The following PAPSS1 variants were observed in gnomAD, a reference collection of about 807,000 sequenced individuals.
The protein encoded by PAPSS1 is 3'-phosphoadenosine 5'-phosphosulfate synthase 1, also known as bifunctional 3'-phosphoadenosine 5'-phosphosulfate synthase 1.
A neutral mutation model predicts 72.0 loss-of-function variants in PAPSS1; 50 were observed. That is an observed-to-expected ratio of 0.69 (90% CI 0.55 to 0.88). The LOEUF is 0.88. Among genes scored for constraint, PAPSS1 ranks in the 40% least tolerant of loss-of-function variants. The probability of loss-of-function intolerance (pLI) is 0.00; values close to 1 mark genes in which losing one functional copy is unlikely to be tolerated. For missense variants in PAPSS1, 657 were observed against 782.2 expected, an observed-to-expected ratio of 0.84 and a Z score of 1.91; for synonymous variants, 261 against 263.6, an observed-to-expected ratio of 0.99 and a Z score of 0.09.
At chr4:107,635,406 TAA>T (rs925386316) in intron 10 of PAPSS1, among the ~76,000 whole-genome samples, 102 of 152,332 alleles carry the variant, frequency 6.7e-4, no homozygotes, top group African/African-American at 2.4e-3. Context: ...TAAAATAAAC[TAA>T]AAGAATTAAA....
intron 2 of PAPSS1, among the ~76,000 whole-genome samples, chr4:107,699,497 A>C (rs1418648458): frequency 6.6e-6 from 1 of 152,202 alleles, no homozygotes; most frequent in African/African-American, 2.4e-5. Context: ...GAGAAAAAAG[A>C]CACCCTCATA....
At chr4:107,706,527 C>T (rs1464174773) in intron 1 of PAPSS1, among the ~76,000 whole-genome samples, 1 of 152,128 alleles carries the variant, frequency 6.6e-6, no homozygotes, top group Non-Finnish European at 1.5e-5. Flanking sequence ...CCAGAATACA[C>T]TGAATTATTT....
chr4:107,653,109 A>G (rs975339662), intron 9 of PAPSS1, among the ~76,000 whole-genome samples: 42 of 145,134 alleles, frequency 2.9e-4, no homozygotes, highest in Non-Finnish European at 5.8e-4. Context: ...ATATGAATAT[A>G]TATGAATATA....
At chr4:107,630,701 G>A (rs1726205387) in intron 11 of PAPSS1, among the ~76,000 whole-genome samples, 1 of 152,158 alleles carries the variant, frequency 6.6e-6, no homozygotes, top group South Asian at 2.1e-4. Context: ...AAGTTGTGCT[G>A]TTAATGATTA....
intron 2 of PAPSS1, among the ~76,000 whole-genome samples, chr4:107,699,613 G>A (rs979108606): frequency 2.6e-5 from 4 of 152,074 alleles, no homozygotes; most frequent in Non-Finnish European, 5.9e-5. Flanking sequence ...ACCTAACTGA[G>A]AAAGACAAAA....
chr4:107,644,278 C>T (rs1323878557), intron 10 of PAPSS1, among the ~76,000 whole-genome samples: 2 of 152,128 alleles, frequency 1.3e-5, no homozygotes, highest in African/African-American at 4.8e-5. Flanking sequence ...AGTCATAAAA[C>T]CTAGCAGATC....
chr4:107,687,124 T>C lies in PAPSS1; in HGVS notation c.465A>G (p.Glu155=). 6.2e-7 allele frequency: 1 copy of C among 1,600,436 alleles called. No homozygotes were observed. Among genetic ancestry groups the C allele is most frequent in the Non-Finnish European group, 8.5e-7 (1 of 1,175,652 alleles). ...CATGCAGAGGAGCATCAACAAATAC[T>C]TCAAAAAACGGTAAACTTGCACCTT... ...IHEGASLPFF[E]VFVDAPLHVC... Residue 155 remains glutamate, a synonymous_variant, in exon 4 of 12, where the codon GAA becomes GAG. Coordinates refer to ENST00000265174, the MANE Select transcript of PAPSS1 (RefSeq NM_005443.5).
intron 3 of PAPSS1, among the ~76,000 whole-genome samples, chr4:107,693,256 G>A (rs1229746798): frequency 2.0e-5 from 3 of 152,130 alleles, no homozygotes; most frequent in African/African-American, 7.2e-5. Flanking sequence ...TGCTTTCCAG[G>A]CAGGGAGGAA....
chr4:107,617,751 A>C (rs1449163464), intron 11 of PAPSS1, among the ~76,000 whole-genome samples: 1 of 152,200 alleles, frequency 6.6e-6, no homozygotes. Context: ...AGATTAACAG[A>C]TATTGCTTCA....
chr4:107,684,256 G>A (rs1475493540), intron 4 of PAPSS1, among the ~76,000 whole-genome samples: 1 of 152,100 alleles, frequency 6.6e-6, no homozygotes, highest in East Asian at 1.9e-4. Context: ...TAAGGGGCCT[G>A]GGGAGTCATG....
intron 3 of PAPSS1, among the ~76,000 whole-genome samples, chr4:107,690,648 A>G (rs574037248): frequency 6.6e-6 from 1 of 152,350 alleles, no homozygotes; most frequent in South Asian, 2.1e-4. Context: ...TCTTGAATGA[A>G]CAAATATAAT....
intron 11 of PAPSS1, among the ~76,000 whole-genome samples, chr4:107,617,796 G>C (rs1178719788): frequency 6.6e-6 from 1 of 152,192 alleles, no homozygotes; most frequent in African/African-American, 2.4e-5. Flanking sequence ...GTTTATAAAT[G>C]TAGGGAGTAT....
chr4:107,715,029 A>C (rs527247644), intron 1 of PAPSS1, among the ~76,000 whole-genome samples: 1 of 150,350 alleles, frequency 6.7e-6, no homozygotes, highest in Non-Finnish European at 1.5e-5. Context: ...AGATAAGTAG[A>C]AAAAAAAAAT....
intron 6 of PAPSS1, 64 bp from the exon 7 acceptor site, chr4:107,657,071 G>T: frequency 2.1e-6 from 2 of 974,600 alleles, no homozygotes; most frequent in South Asian, 1.3e-5. Context: ...AAGCAGTGAT[G>T]ACCTTTAGGA....
At chr4:107,718,920 T>C (rs912336168) in intron 1 of PAPSS1, among the ~76,000 whole-genome samples, 7 of 152,198 alleles carry the variant, frequency 4.6e-5, no homozygotes, top group African/African-American at 1.7e-4. Context: ...CATACTATTA[T>C]ACCCTTAAGT....
At chr4:107,715,571 T>C (rs892667899) in intron 1 of PAPSS1, among the ~76,000 whole-genome samples, 1 of 152,192 alleles carries the variant, frequency 6.6e-6, no homozygotes, top group Non-Finnish European at 1.5e-5. Flanking sequence ...AACATCCACA[T>C]ATAAGGAGAC....
chr4:107,700,037 T>C (rs530150983), intron 2 of PAPSS1, among the ~76,000 whole-genome samples: 1 of 152,282 alleles, frequency 6.6e-6, no homozygotes, highest in Admixed American at 6.5e-5. Context: ...GCAATAAAAA[T>C]GTAACAATTT....
chr4:107,679,947 A>G (rs1727758859), intron 5 of PAPSS1, among the ~76,000 whole-genome samples: 1 of 152,190 alleles, frequency 6.6e-6, no homozygotes, highest in Non-Finnish European at 1.5e-5. Flanking sequence ...GAGTTTAAAA[A>G]TTCTTTCTAT....
chr4:107,689,813 C>T (rs1312464520), intron 3 of PAPSS1, among the ~76,000 whole-genome samples: 4 of 152,178 alleles, frequency 2.6e-5, no homozygotes, highest in African/African-American at 9.7e-5. Context: ...ACTAACTCCA[C>T]TAGCACTTCA....
Sources: allele counts gnomAD v4.1 joint callset (sites outside exome capture counted in the v4.1 genomes callset), GRCh38; gene constraint gnomAD v4.1.1; transcripts MANE v1.5; gene names NCBI Gene and HGNC (gene_info 2026-07-23, HGNC 2026-07-21).